Variants in PXDNL observed in about 807,000 individuals in gnomAD.
PXDNL encodes peroxidasin like.
A neutral mutation model predicts 150.8 loss-of-function variants in PXDNL; 145 were observed. The ratio of observed to expected loss-of-function variants is 0.96; its 90% CI spans 0.84 to 1.10. PXDNL has a LOEUF of 1.10. Ranked by LOEUF, PXDNL falls within the 50% of genes least tolerant of loss-of-function variation. PXDNL has a pLI of 0.00. For missense variants in PXDNL, 2,087 were observed against 1,873.9 expected (o/e 1.11, Z -2.10); for synonymous variants, 757 against 725.7 (o/e 1.04, Z -0.69).
At chr8:51,384,568 G>A (rs965495979) in intron 17 of PXDNL, among the ~76,000 whole-genome samples, 12 of 5,246 alleles carry the variant, frequency 2.3e-3, no homozygotes, top group Admixed American at 7.4e-3. Flanking sequence ...CAATTAAAAA[G>A]TATGCATTTT....
chr8:51,643,108 C>T (rs1332599870), intron 2 of PXDNL, among the ~76,000 whole-genome samples: 4 of 152,138 alleles, frequency 2.6e-5, no homozygotes, highest in South Asian at 2.1e-4. Context: ...GTGAAAATGG[C>T]CATACTGCCC....
Position 51,689,316 on chromosome 8 carries a change from T to C in PXDNL, c.165-34556A>G, listed in dbSNP as rs990519480. On this transcript the variant is annotated intron_variant, in intron 1 of 22. Coordinates refer to ENST00000356297, the MANE Select transcript of PXDNL (RefSeq NM_144651.5). ...TCCAACTTATGGGCCATCTCAGACA[T>C]CCAGATTTTTTTTTTTTTTTGCTTC... 4.6e-5 allele frequency among the ~76,000 whole-genome samples: 4 copies of C among 86,332 alleles called. No individual in the cohort carries two copies. The Admixed American group carries it at 5.5e-4, about 12-fold the overall frequency. 56.6% of individuals were successfully genotyped at this position (86,332 alleles called of 152,430 possible).
intron 2 of PXDNL, among the ~76,000 whole-genome samples, chr8:51,642,867 CA>C (rs1814804467): frequency 6.6e-6 from 1 of 152,112 alleles, no homozygotes; most frequent in Non-Finnish European, 1.5e-5. Flanking sequence ...AATCAACGTG[CA>C]AAAATCACAA....
At chr8:51,448,133 T>C (rs919186539) in intron 11 of PXDNL, among the ~76,000 whole-genome samples, 6 of 152,216 alleles carry the variant, frequency 3.9e-5, no homozygotes, top group Non-Finnish European at 7.3e-5. Flanking sequence ...CCTGAACTAA[T>C]ATGGAAAGTA....
intron 2 of PXDNL, among the ~76,000 whole-genome samples, chr8:51,626,652 G>C (rs1381100070): frequency 6.6e-6 from 1 of 152,134 alleles, no homozygotes; most frequent in African/African-American, 2.4e-5. Context: ...CCATTCAAGA[G>C]TAGACCCAGA....
chr8:51,636,308 C>T (rs1814601359), intron 2 of PXDNL, among the ~76,000 whole-genome samples: 1 of 152,056 alleles, frequency 6.6e-6, no homozygotes. Context: ...TGCCTATTTT[C>T]ATCACTACTA....
At chr8:51,652,352 T>C (rs1815057132) in intron 2 of PXDNL, among the ~76,000 whole-genome samples, 1 of 151,636 alleles carries the variant, frequency 6.6e-6, no homozygotes, top group African/African-American at 2.4e-5. Context: ...AAGTGTCTCA[T>C]TGCTTAACTC....
At position 51,741,780 on chromosome 8, in the gene PXDNL, C is replaced by T. The variant is rs534912088; in HGVS notation, c.164+67401G>A. Among the ~76,000 whole-genome samples the T allele has an allele frequency of 2.0e-5, 3 of 152,288 alleles. No homozygotes were observed. The South Asian group carries it at 6.2e-4, about 32-fold the overall frequency. On this transcript the variant is annotated intron_variant, in intron 1 of 22. Coordinates refer to ENST00000356297, the MANE Select transcript of PXDNL (RefSeq NM_144651.5). The stretch of plus-strand genomic sequence containing the variant: ...GTGATGCGGGTGAACTGATTACTCA[C>T]ACGTCGCTGGTGGGAATGTAAAATA...
chr8:51,655,626 C>A (rs920717322), intron 1 of PXDNL, among the ~76,000 whole-genome samples: 1 of 152,086 alleles, frequency 6.6e-6, no homozygotes, highest in African/African-American at 2.4e-5. Flanking sequence ...TCTTCCTGCC[C>A]GGAACAGGGT....
chr8:51,732,394 A>G (rs1381491599), intron 1 of PXDNL, among the ~76,000 whole-genome samples: 1 of 152,144 alleles, frequency 6.6e-6, no homozygotes, highest in Non-Finnish European at 1.5e-5. Context: ...TTTATTTTCC[A>G]TATCACTATC....
At chr8:51,596,236 T>C (rs1813561503) in intron 2 of PXDNL, among the ~76,000 whole-genome samples, 1 of 152,236 alleles carries the variant, frequency 6.6e-6, no homozygotes, top group Non-Finnish European at 1.5e-5. Context: ...GATTTCATTC[T>C]TCTTATGGCT....
intron 2 of PXDNL, among the ~76,000 whole-genome samples, chr8:51,629,038 A>T (rs758232475): frequency 1.2e-4 from 19 of 152,186 alleles, no homozygotes; most frequent in Non-Finnish European, 2.2e-4. Flanking sequence ...ATTGTCCATG[A>T]TGAAACAAAC....
At chr8:51,766,723 T>C (rs747143057) in intron 1 of PXDNL, among the ~76,000 whole-genome samples, 12 of 150,914 alleles carry the variant, frequency 8.0e-5, no homozygotes, top group African/African-American at 1.2e-4. Flanking sequence ...GATTACTTTA[T>C]TTGTGATGCA....
intron 21 of PXDNL, among the ~76,000 whole-genome samples, chr8:51,328,962 A>T (rs76865212): frequency 0.032 from 4,803 of 152,322 alleles, 241 homozygotes; most frequent in African/African-American, 0.11. Context: ...AAGGGATTCT[A>T]ACTCACTGCA....
At chr8:51,715,515 G>C (rs1816596528) in intron 1 of PXDNL, among the ~76,000 whole-genome samples, 3 of 152,150 alleles carry the variant, frequency 2.0e-5, no homozygotes, top group Admixed American at 2.0e-4. Context: ...CCATTTACTA[G>C]CTAAGTGACT....
Position 51,362,579 on chromosome 8 carries a change from A to AT in PXDNL, c.3901+9293_3901+9294insA, listed in dbSNP as rs755184748. ...TCTTAACTGAACTTTTACTTCCACT[A>AT]CTTTTTTTTTGGTTTGAGCTGATGA... On this transcript the variant is annotated intron_variant, in intron 19 of 22. Coordinates refer to ENST00000356297, the MANE Select transcript of PXDNL (RefSeq NM_144651.5). Among the ~76,000 whole-genome samples the AT allele has an allele frequency of 3.5e-4, 53 of 150,100 alleles. No individual in the cohort carries two copies. The Middle Eastern group carries it at 0.01, about 29-fold the overall frequency.
rs1449562699 is a variant in PXDNL, at chr8:51,408,207, G to A, written c.3417C>T (p.Ala1139=). The A allele has an allele frequency of 6.2e-7, 1 of 1,613,886 alleles. No individual in the cohort carries two copies. Among genetic ancestry groups the A allele is most frequent in the African/African-American group, 1.3e-5 (1 of 74,910 alleles). ...GGTCTCTACCCCTTTGAATGATGGT[G>A]GCAGCCGAATCCACGGCCGCAGAAT... The part of the protein sequence containing the change: ...AAYSAAVDSA[A]TIIQRGRDHG... Residue 1139 remains alanine, a synonymous_variant, in exon 17 of 23, where the codon GCC becomes GCT. Coordinates refer to ENST00000356297, the MANE Select transcript of PXDNL (RefSeq NM_144651.5).
intron 1 of PXDNL, among the ~76,000 whole-genome samples, chr8:51,746,687 A>G (rs2036987744): frequency 6.6e-6 from 1 of 152,038 alleles, no homozygotes; most frequent in African/African-American, 2.4e-5. Context: ...AGTAATGTCT[A>G]TTTGTTGCTT....
At chr8:51,350,306 G>A (rs1470892441) in intron 19 of PXDNL, among the ~76,000 whole-genome samples, 1 of 147,236 alleles carries the variant, frequency 6.8e-6, no homozygotes, top group Non-Finnish European at 1.5e-5. Flanking sequence ...GATAACCTAG[G>A]AAAAGACTAG....
Sources: allele counts gnomAD v4.1 joint callset (sites outside exome capture counted in the v4.1 genomes callset), GRCh38; gene constraint gnomAD v4.1.1; transcripts MANE v1.5; gene names NCBI Gene and HGNC (gene_info 2026-07-23, HGNC 2026-07-21).